The following NRXN1 variants were observed in gnomAD, a reference collection of about 807,000 sequenced individuals.
NRXN1 encodes neurexin-1.
Under a neutral mutation model 150.9 loss-of-function variants are expected in NRXN1, and 39 were observed. The ratio of observed to expected loss-of-function variants is 0.26; its 90% CI spans 0.20 to 0.34. NRXN1 has a LOEUF of 0.34. Ranked by LOEUF, NRXN1 falls within the 10% of genes least tolerant of loss-of-function variation. NRXN1 has a pLI of 1.00. For synonymous variants in NRXN1, 924 were observed against 757.0 expected (o/e 1.22, Z -3.62); for missense variants, 1,815 against 1,949.9 (o/e 0.93, Z 1.30).
intron 17 of NRXN1, among the ~76,000 whole-genome samples, chr2:50,309,300 T>C (rs2074958318): frequency 6.6e-6 from 1 of 152,202 alleles, no homozygotes; most frequent in Non-Finnish European, 1.5e-5. Context: ...ATAGAGTTTT[T>C]ACTAGGACAC....
chr2:50,343,924 C>T (rs367890828), intron 17 of NRXN1, among the ~76,000 whole-genome samples: 8 of 152,132 alleles, frequency 5.3e-5, no homozygotes, highest in African/African-American at 1.9e-4. Context: ...TTCATCTAGC[C>T]AAATAAATTT....
intron 5 of NRXN1, among the ~76,000 whole-genome samples, chr2:50,768,915 A>AAC (rs573497722): frequency 2.4e-3 from 359 of 149,206 alleles, no homozygotes; most frequent in South Asian, 6.4e-3. Context: ...CAACAACAAC[A>AAC]ACACACACAC....
intron 18 of NRXN1, among the ~76,000 whole-genome samples, chr2:50,159,901 T>G (rs1015505477): frequency 1.3e-5 from 2 of 152,188 alleles, no homozygotes; most frequent in African/African-American, 4.8e-5. Context: ...AAAAAATTAT[T>G]CAACGTCCAA....
intron 2 of NRXN1, among the ~76,000 whole-genome samples, chr2:50,958,868 T>A (rs1558491701): frequency 6.6e-6 from 1 of 152,144 alleles, no homozygotes; most frequent in African/African-American, 2.4e-5. Flanking sequence ...GTTGAGGAAC[T>A]GTCCTTCTAT....
intron 5 of NRXN1, among the ~76,000 whole-genome samples, chr2:50,858,862 G>A (rs1675662949): frequency 6.6e-6 from 1 of 151,912 alleles, no homozygotes; most frequent in African/African-American, 2.4e-5. Context: ...ATTTGCCTAG[G>A]GGCCCAGAAA....
chr2:50,493,400 A>G (rs2091375020), intron 15 of NRXN1, among the ~76,000 whole-genome samples: 1 of 152,168 alleles, frequency 6.6e-6, no homozygotes, highest in Non-Finnish European at 1.5e-5. Context: ...CTTGGTTTCA[A>G]TGCCCCACTA....
intron 5 of NRXN1, among the ~76,000 whole-genome samples, chr2:50,858,923 G>A (rs981617152): frequency 6.6e-6 from 1 of 152,004 alleles, no homozygotes; most frequent in African/African-American, 2.4e-5. Context: ...ATTGAGTGAA[G>A]TGCATTCCCT....
intron 18 of NRXN1, among the ~76,000 whole-genome samples, chr2:50,098,830 GTTTTTTTTTTTTTTT>G (rs746736925): frequency 7.6e-5 from 8 of 105,542 alleles, no homozygotes; most frequent in African/African-American, 2.4e-4. Context: ...TTTGGTTTTA[GTTTTTTTTTTTTTTT>G]TTTTTTTTTT....
At chr2:50,150,183 CT>C (rs1574182408) in intron 18 of NRXN1, among the ~76,000 whole-genome samples, 1 of 151,750 alleles carries the variant, frequency 6.6e-6, no homozygotes, top group African/African-American at 2.4e-5. Context: ...ATTCAATGAG[CT>C]GACCTAGAGT....
intron 5 of NRXN1, among the ~76,000 whole-genome samples, chr2:50,866,863 C>T (rs536898208): frequency 6.6e-6 from 1 of 151,926 alleles, no homozygotes; most frequent in East Asian, 2.0e-4. Context: ...AAACTTGGCT[C>T]CTTGAGGTCT....
At chr2:50,477,542 T>G (rs1043924909) in intron 15 of NRXN1, among the ~76,000 whole-genome samples, 6 of 152,176 alleles carry the variant, frequency 3.9e-5, no homozygotes, top group Non-Finnish European at 7.3e-5. Flanking sequence ...ATAAGGCAAT[T>G]AGAGTAAAGA....
chr2:50,225,472 T>C (rs986526025), intron 18 of NRXN1, among the ~76,000 whole-genome samples: 1 of 151,812 alleles, frequency 6.6e-6, no homozygotes, highest in East Asian at 1.9e-4. Context: ...GACATAGTTA[T>C]AACTACAGTA....
rs537159444 is a variant in NRXN1 at position 50,353,039 on chromosome 2, G to C, written c.3364+112403C>G. On this transcript the variant is annotated intron_variant, in intron 17 of 22. Coordinates refer to ENST00000401669, the MANE Select transcript of NRXN1 (RefSeq NM_001330078.2). ...ATAACAAATCAGAGGGAGTGCTGGG[G>C]ATCAAGATGAGCCAATGCGGTACTC... is the stretch of plus-strand genomic sequence containing the variant. Among the ~76,000 whole-genome samples the C allele has an allele frequency of 1.6e-4, 25 of 152,062 alleles. 1 individual carries two copies. In the South Asian group the frequency reaches 4.2e-3, roughly 25 times the overall value.
intron 2 of NRXN1, among the ~76,000 whole-genome samples, chr2:50,968,097 A>G (rs942323595): frequency 5.3e-5 from 8 of 152,076 alleles, no homozygotes; most frequent in African/African-American, 1.7e-4. Flanking sequence ...AATACTTCTG[A>G]TAGGTAGACT....
At chr2:50,573,151 C>T (rs1218766025) in intron 8 of NRXN1, among the ~76,000 whole-genome samples, 3 of 152,028 alleles carry the variant, frequency 2.0e-5, no homozygotes, top group Non-Finnish European at 4.4e-5. Context: ...AGGAGGATTG[C>T]TTGAGCTCAG....
intron 14 of NRXN1, among the ~76,000 whole-genome samples, chr2:50,496,477 C>A (rs975959707): frequency 1.3e-5 from 2 of 152,122 alleles, no homozygotes; most frequent in Non-Finnish European, 2.9e-5. Context: ...ATCTCGATTC[C>A]CTGTTTGAGG....
chr2:51,013,471 G>A (rs2105213158), intron 2 of NRXN1, among the ~76,000 whole-genome samples: 1 of 149,982 alleles, frequency 6.7e-6, no homozygotes, highest in East Asian at 2.0e-4. Context: ...TTTTTTGGCA[G>A]AAATTAGGTT....
At chr2:50,392,717 T>G (rs909961157) in intron 17 of NRXN1, among the ~76,000 whole-genome samples, 1 of 152,058 alleles carries the variant, frequency 6.6e-6, no homozygotes, top group African/African-American at 2.4e-5. Context: ...GTTTCATACA[T>G]GAATAAACAT....
intron 5 of NRXN1, among the ~76,000 whole-genome samples, chr2:50,726,104 C>T (rs1192659300): frequency 6.6e-6 from 1 of 152,054 alleles, no homozygotes; most frequent in African/African-American, 2.4e-5. Flanking sequence ...AAATTACAAT[C>T]CATTTGAGGA....
Sources: gnomAD v4.1 joint callset for allele counts (sites outside exome capture counted in the v4.1 genomes callset) on GRCh38, gnomAD v4.1.1 for gene constraint, MANE v1.5 for transcripts, NCBI Gene and HGNC (gene_info 2026-07-23, HGNC 2026-07-21) for gene names.